DLG2: variants seen among roughly 807,000 people sequenced by gnomAD.
DLG2 encodes disks large homolog 2.
DLG2 carries 45 observed loss-of-function variants against 132.5 expected under a neutral mutation model. The observed-to-expected ratio is 0.34, with a 90% CI of 0.27 to 0.44. DLG2 has a LOEUF of 0.44. DLG2 is among the 20% of genes least tolerant of loss of function. The pLI is 1.00. For missense variants in DLG2, 1,045 were observed against 1,196.9 expected, an observed-to-expected ratio of 0.87 and a Z score of 1.87; for synonymous variants, 424 against 419.6, an observed-to-expected ratio of 1.01 and a Z score of -0.13.
chr11:85,337,258 C>A (rs2082196956), intron 3 of DLG2, among the ~76,000 whole-genome samples: 1 of 151,848 alleles, frequency 6.6e-6, no homozygotes, highest in South Asian at 2.1e-4. Flanking sequence ...TTTTCTTTTT[C>A]TTTTTTGTAG....
chr11:84,478,262 TATA>T (rs2099127158), intron 7 of DLG2, among the ~76,000 whole-genome samples: 1 of 152,170 alleles, frequency 6.6e-6, no homozygotes. Context: ...AGATGATACT[TATA>T]ATGTGTTTAC....
chr11:85,283,880 CAGTT>C lies in DLG2; in HGVS notation c.186+1336_186+1339del, dbSNP rs61113367. ...ATTTATAAAATCAATCCTAATGAAA[CAGTT>C]AGAAAAAAAAAAAAAAGCAATGGCT... On this transcript the variant is annotated intron_variant, in intron 4 of 27. Transcript: ENST00000376104. Among the ~76,000 whole-genome samples the C allele has an allele frequency of 3.5e-3, 474 of 134,680 alleles. 1 individual carries two copies. Among genetic ancestry groups the C allele is most frequent in the African/African-American group, 0.013 (453 of 36,080 alleles). 88.4% of individuals were successfully genotyped at this position (134,680 alleles called of 152,430 possible).
intron 6 of DLG2, among the ~76,000 whole-genome samples, chr11:85,060,491 A>G (rs1011549193): frequency 6.6e-6 from 1 of 150,754 alleles, no homozygotes; most frequent in African/African-American, 2.4e-5. Flanking sequence ...ATATATATAT[A>G]CACGCATATG....
At chr11:85,172,538 A>G (rs1352315353) in intron 4 of DLG2, among the ~76,000 whole-genome samples, 2 of 152,226 alleles carry the variant, frequency 1.3e-5, no homozygotes, top group African/African-American at 4.8e-5. Context: ...CTGAAAACTC[A>G]AAAAGCCAGA....
At chr11:85,077,571 G>C (rs1331441900) in intron 6 of DLG2, among the ~76,000 whole-genome samples, 3 of 151,946 alleles carry the variant, frequency 2.0e-5, no homozygotes, top group East Asian at 1.9e-4. Flanking sequence ...TGAATGGAAA[G>C]TTGAACCTCA....
At chr11:84,204,953 C>A (rs190571509) in intron 8 of DLG2, among the ~76,000 whole-genome samples, 233 of 152,326 alleles carry the variant, frequency 1.5e-3, no homozygotes, top group Non-Finnish European at 2.9e-3. Context: ...ATACACCCGC[C>A]TCAGCCTCCC....
intron 7 of DLG2, among the ~76,000 whole-genome samples, chr11:84,463,137 T>C (rs977747521): frequency 4.0e-5 from 6 of 151,294 alleles, no homozygotes; most frequent in Middle Eastern, 6.8e-3. Flanking sequence ...CCTTGCTCAA[T>C]GTCACGCCAA....
At chr11:84,447,756 C>G (rs1404988469) in intron 7 of DLG2, among the ~76,000 whole-genome samples, 2 of 151,996 alleles carry the variant, frequency 1.3e-5, no homozygotes, top group Admixed American at 6.6e-5. Context: ...TCAAATGGGT[C>G]CTAAACTTAT....
intron 3 of DLG2, among the ~76,000 whole-genome samples, chr11:85,526,003 C>G (rs1035675174): frequency 6.6e-6 from 1 of 152,146 alleles, no homozygotes; most frequent in Non-Finnish European, 1.5e-5. Flanking sequence ...GAAAACAGTA[C>G]TTAAGGCTGA....
At chr11:84,775,227 A>G (rs1317187851) in intron 6 of DLG2, among the ~76,000 whole-genome samples, 1 of 152,170 alleles carries the variant, frequency 6.6e-6, no homozygotes, top group Admixed American at 6.5e-5. Context: ...ACAATGAGAT[A>G]CCATCTCATA....
intron 6 of DLG2, among the ~76,000 whole-genome samples, chr11:84,687,916 A>G (rs539236678): frequency 6.6e-6 from 1 of 152,328 alleles, no homozygotes; most frequent in South Asian, 2.1e-4. Context: ...TTTCAGATGC[A>G]AATAAAATAC....
chr11:84,655,554 C>T (rs1048916013), intron 6 of DLG2, among the ~76,000 whole-genome samples: 2 of 151,924 alleles, frequency 1.3e-5, no homozygotes, highest in Non-Finnish European at 2.9e-5. Context: ...GAAGAAAGGG[C>T]CCAGATCTGG....
rs369167881 is a variant in DLG2 at position 84,944,790 on chromosome 11, G to C, written c.357+166871C>G. On this transcript the variant is annotated intron_variant, in intron 6 of 27. Coordinates refer to ENST00000376104, the MANE Select transcript of DLG2 (RefSeq NM_001142699.3). ...CGGCTAATTTTTTGTATTTTTGGTA[G>C]AGATGGGGTTTCACCATGTTAGCCA... Among the ~76,000 whole-genome samples the C allele has an allele frequency of 1.3e-4, 20 of 152,100 alleles. No individual in the cohort carries two copies. The East Asian group carries it at 3.9e-3, about 30-fold the overall frequency.
At chr11:83,591,591 A>G in intron 19 of DLG2, among the ~76,000 whole-genome samples, 1 of 81,834 alleles carries the variant, frequency 1.2e-5, no homozygotes, top group Non-Finnish European at 2.3e-5. Context: ...CAAGACAGGG[A>G]TGCCCTCTCT....
intron 6 of DLG2, among the ~76,000 whole-genome samples, chr11:84,650,277 A>C (rs1251122735): frequency 2.0e-5 from 3 of 151,994 alleles, no homozygotes; most frequent in Non-Finnish European, 4.4e-5. Flanking sequence ...TCATTACTCC[A>C]CTGAAACCAC....
intron 3 of DLG2, among the ~76,000 whole-genome samples, chr11:85,499,625 T>G (rs560078791): frequency 6.6e-6 from 1 of 152,248 alleles, no homozygotes; most frequent in African/African-American, 2.4e-5. Context: ...TACCAAAGCC[T>G]GGCAGAGACA....
intron 7 of DLG2, among the ~76,000 whole-genome samples, chr11:84,281,411 A>G (rs1306941067): frequency 6.6e-6 from 1 of 152,286 alleles, no homozygotes; most frequent in East Asian, 1.9e-4. Context: ...CTTGTTTCTA[A>G]AAAACAAATA....
chr11:83,935,673 G>A (rs111784989), intron 14 of DLG2, among the ~76,000 whole-genome samples: 3,134 of 152,142 alleles, frequency 0.021, 99 homozygotes, highest in African/African-American at 0.071. Flanking sequence ...GCCTATTTGC[G>A]CCACGCTTAC....
chr11:85,600,936 G>A (rs2080110713), intron 2 of DLG2, among the ~76,000 whole-genome samples: 1 of 152,058 alleles, frequency 6.6e-6, no homozygotes, highest in Non-Finnish European at 1.5e-5. Flanking sequence ...TGTAGCATTT[G>A]CAATTTCCAA....
Sources: gnomAD v4.1 joint callset for allele counts (sites outside exome capture counted in the v4.1 genomes callset) on GRCh38, gnomAD v4.1.1 for gene constraint, MANE v1.5 for transcripts, NCBI Gene and HGNC (gene_info 2026-07-23, HGNC 2026-07-21) for gene names.